The following HEATR4 variants were observed in gnomAD, a reference collection of about 807,000 sequenced individuals.
HEATR4 encodes HEAT repeat-containing protein 4.
In HEATR4, 95 loss-of-function variants were observed where a neutral mutation model predicts 108.8. The ratio of observed to expected loss-of-function variants is 0.87; its 90% CI spans 0.74 to 1.04. The LOEUF (loss-of-function observed/expected upper bound fraction) is 1.04. Among genes scored for constraint, HEATR4 ranks in the 50% least tolerant of loss-of-function variants. The pLI, the probability that HEATR4 is intolerant of heterozygous loss-of-function variation, is 0.00. For synonymous variants in HEATR4, 443 were observed against 459.4 expected, an observed-to-expected ratio of 0.96 and a Z score of 0.46; for missense variants, 1,152 against 1,253.8, an observed-to-expected ratio of 0.92 and a Z score of 1.23.
chr14:73,594,948 G>A, the HEATR4 span: 109 of 1,421,900 alleles, frequency 7.7e-5, no homozygotes, highest in East Asian at 3.7e-4. Context: ...CAAGTGATCC[G>A]CCCGCCTCCG....
the HEATR4 span, chr14:73,575,237 GAGT>G: frequency 1.1e-6 from 1 of 905,444 alleles, no homozygotes; most frequent in Non-Finnish European, 1.6e-6. Flanking sequence ...ACAACTGGAA[GAGT>G]GAGTTCTATG....
chr14:73,558,370 G>GTTTTTTGT (rs1889436754), intron 1 of HEATR4, among the ~76,000 whole-genome samples: 1 of 120,306 alleles, frequency 8.3e-6, no homozygotes, highest in African/African-American at 3.0e-5. Context: ...GCCTTGATTT[G>GTTTTTTGT]TTTTTTTTTT....
Position 73,493,144 on chromosome 14 carries a change from G to C in HEATR4, c.2786-20C>G. 6.2e-7 allele frequency: 1 copy of C among 1,607,740 alleles called. No homozygotes were observed. Among genetic ancestry groups the C allele is most frequent in the South Asian group, 1.1e-5 (1 of 90,302 alleles). ...TCTCATCTAGGTACAAAAGGAAAAG[G>C]AGAAGTTGGAGGTGGAAAAAAAACC... On this transcript the variant is annotated intron_variant, in intron 16 of 17. Coordinates refer to ENST00000553558, the MANE Select transcript of HEATR4 (RefSeq NM_001220484.1).
chr14:73,501,205 G>A lies in HEATR4; in HGVS notation c.2106-475C>T, dbSNP rs1002470716. Among the ~76,000 whole-genome samples, 8 of 151,758 alleles carry A rather than the reference G, an allele frequency of 5.3e-5. No individual in the cohort carries two copies. In the East Asian group the frequency reaches 7.8e-4, roughly 15 times the overall value. ...TGGATCTTGGCTTACTGCAAGCGCC[G>A]CCTCCTGGGTTCACGCCATTCTCCT... On this transcript the variant is annotated intron_variant, in intron 11 of 17. Coordinates refer to ENST00000553558, the MANE Select transcript of HEATR4 (RefSeq NM_001220484.1).
chr14:73,531,038 T>C (rs1417224255), intron 1 of HEATR4: 1 of 102,098 alleles, frequency 9.8e-6, no homozygotes, highest in Non-Finnish European at 2.1e-5. Flanking sequence ...ACTGACCCTT[T>C]TGACACCTAA....
the HEATR4 span, among the ~76,000 whole-genome samples, chr14:73,615,400 AAAAAAAACAAAAAAC>A: frequency 4.2e-5 from 6 of 143,666 alleles, 1 homozygote; most frequent in African/African-American, 7.8e-5. Flanking sequence ...AAAAAAAAAA[AAAAAAAACAAAAAAC>A]AAAAAAAACC....
At chr14:73,528,835 A>T (rs1056400528) in intron 2 of HEATR4, 1 of 152,184 alleles carries the variant, frequency 6.6e-6, no homozygotes, top group East Asian at 1.9e-4. Context: ...AGATGCACTG[A>T]GCGCTTCGGG....
the HEATR4 span, among the ~76,000 whole-genome samples, chr14:73,568,617 A>C: frequency 6.6e-6 from 1 of 151,998 alleles, no homozygotes; most frequent in African/African-American, 2.4e-5. Flanking sequence ...AGAAACCAGT[A>C]AAACAAAATA....
chr14:73,530,794 A>ATTTTTTT (rs59208614), intron 1 of HEATR4, among the ~76,000 whole-genome samples: 3 of 57,770 alleles, frequency 5.2e-5, no homozygotes, highest in African/African-American at 6.7e-5. Context: ...TCTCGGTTAA[A>ATTTTTTT]TTTTTTTTTT....
Position 73,496,670 on chromosome 14 carries a change from G to A in HEATR4, c.2556C>T (p.Tyr852=). ...CTAAGTTGAGTATCTTCATTGTCTG[G>A]TACATTTCTCTGAAAGATAAGAAGG... ...ENHDAVLKEM[Y]QTMKILNLGN... is the part of the protein sequence containing the mutation. Residue 852 remains tyrosine, a synonymous_variant, in exon 15 of 18, where the codon TAC becomes TAT. Coordinates refer to ENST00000553558, the MANE Select transcript of HEATR4 (RefSeq NM_001220484.1). 2 of 1,566,336 alleles carry A rather than the reference G, an allele frequency of 1.3e-6. No individual in the cohort carries two copies. The highest frequency in any genetic ancestry group is 8.8e-7 in the Non-Finnish European group (1 of 1,137,006).
chr14:73,485,154 ACT>A (rs1227519203), intron 17 of HEATR4, among the ~76,000 whole-genome samples: 1 of 151,922 alleles, frequency 6.6e-6, no homozygotes, highest in South Asian at 2.1e-4. Flanking sequence ...ACAGAGGGAA[ACT>A]CTGTCTCAAA....
chr14:73,583,282 G>C, the HEATR4 span, among the ~76,000 whole-genome samples: 50,195 of 150,222 alleles, frequency 0.33, 9,783 homozygotes, highest in East Asian at 0.64. Flanking sequence ...CCGGGAGGCA[G>C]AGGTTACAGT....
At position 73,491,114 on chromosome 14, in the gene HEATR4, C is replaced by T. The variant is rs750940507; in HGVS notation, c.2844+1952G>A. 4.4e-5 allele frequency: 70 copies of T among 1,606,850 alleles called. 1 individual carries two copies. The highest frequency in any genetic ancestry group is 1.5e-4 in the South Asian group (13 of 89,442). ...ACACAGCGGGTCGGTCCTGGCCCTG[C>T]CCTTGAGGTCCAGGAAGATACGAAA... On this transcript the variant is annotated intron_variant, in intron 17 of 17. Coordinates refer to ENST00000553558, the MANE Select transcript of HEATR4 (RefSeq NM_001220484.1).
chr14:73,604,631 A>C, the HEATR4 span, among the ~76,000 whole-genome samples: 3 of 151,858 alleles, frequency 2.0e-5, no homozygotes, highest in Admixed American at 1.3e-4. Flanking sequence ...GACTACAGGC[A>C]TGCGCCACCA....
intron 12 of HEATR4, among the ~76,000 whole-genome samples, chr14:73,499,476 T>A (rs1429897205): frequency 6.6e-6 from 1 of 151,874 alleles, no homozygotes; most frequent in Non-Finnish European, 1.5e-5. Flanking sequence ...CGAGTCTCCA[T>A]CTCAAAAAAG....
chr14:73,497,089 T>C (rs1035825835), intron 14 of HEATR4, among the ~76,000 whole-genome samples: 1 of 152,224 alleles, frequency 6.6e-6, no homozygotes, highest in Non-Finnish European at 1.5e-5. Flanking sequence ...AGAGATGGGG[T>C]TTCACCATGT....
chr14:73,568,045 G>A, the HEATR4 span: 1 of 152,382 alleles, frequency 6.6e-6, no homozygotes, highest in Non-Finnish European at 1.5e-5. Context: ...TCCACCAGAA[G>A]GAACCAATTC....
the HEATR4 span, among the ~76,000 whole-genome samples, chr14:73,632,267 T>C: frequency 6.6e-6 from 1 of 152,032 alleles, no homozygotes; most frequent in African/African-American, 2.4e-5. Context: ...TGAGCCACCA[T>C]GCCTAGCCGG....
At position 73,492,040 on chromosome 14, in the gene HEATR4, C is replaced by T; in HGVS notation, c.2844+1026G>A. On this transcript the variant is annotated intron_variant, in intron 17 of 17. Coordinates refer to ENST00000553558, the MANE Select transcript of HEATR4 (RefSeq NM_001220484.1). The surrounding 1 kb of genome is among the most constrained non-coding windows in gnomAD (Gnocchi z 4.9). ...ACTCGCAGGGCTTTGCCCCCCACTA[C>T]GACGACATCGAGGCCTTCGTGCTGC... The T allele has an allele frequency of 6.2e-7, 1 of 1,614,006 alleles. No homozygotes were observed. Among genetic ancestry groups the T allele is most frequent in the Non-Finnish European group, 8.5e-7 (1 of 1,179,888 alleles).
Sources: allele counts gnomAD v4.1 joint callset (sites outside exome capture counted in the v4.1 genomes callset), GRCh38; gene constraint gnomAD v4.1.1; non-coding constraint Gnocchi (gnomAD v3.1); transcripts MANE v1.5; gene names NCBI Gene and HGNC (gene_info 2026-07-23, HGNC 2026-07-21).